KAZN: variants seen among roughly 807,000 people sequenced by gnomAD.
KAZN encodes the protein kazrin.
A neutral mutation model predicts 87.4 loss-of-function variants in KAZN; 40 were observed. That is an observed-to-expected ratio of 0.46 (90% CI 0.36 to 0.60). The LOEUF is 0.60. Ranked by LOEUF, KAZN falls within the 20% of genes least tolerant of loss-of-function variation. KAZN has a pLI of 0.00. For synonymous variants in KAZN, 466 were observed against 458.3 expected, an observed-to-expected ratio of 1.02 and a Z score of -0.22; for missense variants, 898 against 1,073.9, an observed-to-expected ratio of 0.84 and a Z score of 2.29.
intron 8 of KAZN, chr1:15,065,962 C>A: frequency 7.2e-7 from 1 of 1,384,602 alleles, no homozygotes; most frequent in Non-Finnish European, 9.3e-7. Flanking sequence ...AGTGAAAACA[C>A]GAGTGTGAAC....
chr1:14,334,140 C>T (rs1028442392), intron 2 of KAZN, among the ~76,000 whole-genome samples: 6 of 151,830 alleles, frequency 4.0e-5, no homozygotes, highest in Non-Finnish European at 5.9e-5. Context: ...CCAAGGTGGG[C>T]AAATCACCTG....
chr1:15,023,281 C>T (rs1041223009), intron 2 of KAZN, among the ~76,000 whole-genome samples: 2 of 152,098 alleles, frequency 1.3e-5, no homozygotes, highest in East Asian at 1.9e-4. Flanking sequence ...ACATTTCCCA[C>T]GATAAACACA....
intron 2 of KAZN, among the ~76,000 whole-genome samples, chr1:14,218,361 C>T (rs1320979769): frequency 6.6e-6 from 1 of 152,084 alleles, no homozygotes; most frequent in African/African-American, 2.4e-5. Context: ...AACCCAATAG[C>T]AATGACATCT....
chr1:14,072,540 G>A lies in KAZN; in HGVS notation c.92-107895G>A, dbSNP rs369903801. Among the ~76,000 whole-genome samples the A allele has an allele frequency of 1.1e-4, 16 of 152,292 alleles. No homozygotes were observed. In the East Asian group the frequency reaches 2.3e-3, roughly 22 times the overall value. On this transcript the variant is annotated intron_variant, in intron 1 of 16. Transcript: ENST00000636203. ...GGGCTAATACTACTCGTCTCCTAGGGTTGTAATGCATATCAAATGTGGGAA... is the reference window on the plus strand; with the variant it reads ...GGGCTAATACTACTCGTCTCCTAGGATTGTAATGCATATCAAATGTGGGAA...
intron 8 of KAZN, among the ~76,000 whole-genome samples, chr1:15,075,194 A>G (rs539126022): frequency 6.6e-5 from 10 of 152,314 alleles, no homozygotes; most frequent in Non-Finnish European, 1.3e-4. Context: ...CCAGCAGGGC[A>G]TCAGTGTCTG....
intron 2 of KAZN, among the ~76,000 whole-genome samples, chr1:14,497,808 T>A (rs1259789991): frequency 6.6e-6 from 1 of 150,728 alleles, no homozygotes; most frequent in Non-Finnish European, 1.5e-5. Context: ...GGGTGGCTGA[T>A]CCAATTTGAG....
rs545530468 is a variant in KAZN, at chr1:14,206,607, C to A, written c.249+26015C>A. Among the ~76,000 whole-genome samples, 46 of 151,720 alleles carry A rather than the reference C, an allele frequency of 3.0e-4. 1 individual carries two copies. ...ACAAGTGTTTTAAAAAAAATAAAAT[C>A]TTTTAGTTTTTATAACATTTTTAAA... On this transcript the variant is annotated intron_variant, in intron 2 of 16. Coordinates refer to the KAZN transcript ENST00000636203.
At chr1:14,420,352 A>C (rs1571602528) in intron 2 of KAZN, among the ~76,000 whole-genome samples, 1 of 152,220 alleles carries the variant, frequency 6.6e-6, no homozygotes, top group South Asian at 2.1e-4. Flanking sequence ...TGATTGGTGC[A>C]TTTACAAACC....
At chr1:14,190,990 G>C (rs1319538488) in intron 2 of KAZN, among the ~76,000 whole-genome samples, 6 of 152,178 alleles carry the variant, frequency 3.9e-5, no homozygotes, top group African/African-American at 1.4e-4. Context: ...GCTGGAAAGT[G>C]GTCTAGTCAT....
chr1:14,809,532 T>TG (rs1198064905), intron 1 of KAZN, among the ~76,000 whole-genome samples: 1 of 152,224 alleles, frequency 6.6e-6, no homozygotes, highest in Non-Finnish European at 1.5e-5. Flanking sequence ...GGGAGTGCAC[T>TG]GATTGGACTC....
At chr1:14,082,538 G>C (rs1307172084) in intron 1 of KAZN, among the ~76,000 whole-genome samples, 1 of 152,152 alleles carries the variant, frequency 6.6e-6, no homozygotes, top group African/African-American at 2.4e-5. Context: ...AGAGTTAATA[G>C]TGTGTTCTGG....
intron 2 of KAZN, among the ~76,000 whole-genome samples, chr1:14,417,995 A>C (rs1388410943): frequency 1.6e-4 from 2 of 12,778 alleles, no homozygotes; most frequent in Non-Finnish European, 3.1e-4. Flanking sequence ...GACTGCCTCA[A>C]AAAAAAAAAA....
chr1:14,149,661 C>T (rs1397004984), intron 1 of KAZN, among the ~76,000 whole-genome samples: 1 of 152,308 alleles, frequency 6.6e-6, no homozygotes, highest in South Asian at 2.1e-4. Flanking sequence ...GAGCTGCTGA[C>T]AGCCTCCTTG....
At chr1:14,645,683 C>T (rs139626305) in intron 1 of KAZN, among the ~76,000 whole-genome samples, 22 of 152,308 alleles carry the variant, frequency 1.4e-4, no homozygotes, top group African/African-American at 5.3e-4. Context: ...AGAATCATGT[C>T]GTCTGCCAAC....
chr1:14,970,332 G>A (rs568396108), intron 2 of KAZN, among the ~76,000 whole-genome samples: 15 of 152,246 alleles, frequency 9.9e-5, no homozygotes, highest in African/African-American at 3.6e-4. Flanking sequence ...ACCAAGCCCT[G>A]TATCACGTGG....
intron 8 of KAZN, among the ~76,000 whole-genome samples, chr1:15,090,617 C>A (rs1640489530): frequency 6.6e-6 from 1 of 152,226 alleles, no homozygotes; most frequent in Non-Finnish European, 1.5e-5. Context: ...CAACAGGAGG[C>A]CACTCAGACG....
At chr1:14,507,432 C>T (rs981767042) in intron 2 of KAZN, among the ~76,000 whole-genome samples, 2 of 152,090 alleles carry the variant, frequency 1.3e-5, no homozygotes, top group African/African-American at 4.8e-5. Flanking sequence ...TAAACATAAA[C>T]ATTAGTTTCT....
intron 2 of KAZN, among the ~76,000 whole-genome samples, chr1:14,573,378 G>A (rs1484320164): frequency 6.6e-6 from 1 of 152,160 alleles, no homozygotes; most frequent in Non-Finnish European, 1.5e-5. Context: ...CCCGGGCACG[G>A]TGGCTTATGC....
chr1:13,923,568 A>G (rs572727064), intron 1 of KAZN, among the ~76,000 whole-genome samples: 155 of 121,456 alleles, frequency 1.3e-3, no homozygotes, highest in African/African-American at 4.8e-3. Flanking sequence ...GCGAGACTCC[A>G]TCTCAAAAAA....
Sources: allele counts gnomAD v4.1 joint callset (sites outside exome capture counted in the v4.1 genomes callset), GRCh38; gene constraint gnomAD v4.1.1; transcripts MANE v1.5; gene names NCBI Gene and HGNC (gene_info 2026-07-23, HGNC 2026-07-21).